Variants in SUGCT observed in about 807,000 individuals in gnomAD.
The protein encoded by SUGCT is succinyl-CoA:glutarate-CoA transferase, also known as succinyl-CoA:glutarate CoA-transferase.
A neutral mutation model predicts 55.0 loss-of-function variants in SUGCT; 41 were observed. That is an observed-to-expected ratio of 0.74 (90% confidence interval 0.58 to 0.97). The LOEUF is 0.97. SUGCT is among the 50% of genes least tolerant of loss of function. The pLI is 0.00. For missense variants in SUGCT, 568 were observed against 547.8 expected (o/e 1.04, Z -0.37); for synonymous variants, 187 against 200.4 (o/e 0.93, Z 0.56).
intron 12 of SUGCT, among the ~76,000 whole-genome samples, chr7:40,650,875 C>T (rs1005554824): frequency 1.3e-5 from 2 of 152,146 alleles, no homozygotes; most frequent in African/African-American, 4.8e-5. Context: ...TCCTCCCACC[C>T]TAACCCTCAA....
intron 13 of SUGCT, among the ~76,000 whole-genome samples, chr7:40,817,579 T>C (rs1443419289): frequency 6.6e-6 from 1 of 152,174 alleles, no homozygotes; most frequent in Non-Finnish European, 1.5e-5. Context: ...ATAATTTTTG[T>C]CTTAACCATG....
intron 12 of SUGCT, among the ~76,000 whole-genome samples, chr7:40,737,973 G>A (rs576034899): frequency 2.0e-4 from 30 of 151,436 alleles, no homozygotes; most frequent in South Asian, 2.1e-4. Context: ...GCCTATAATC[G>A]CGCAGATCAC....
rs1424701782 is a variant in SUGCT, at chr7:40,631,064, A to G, written c.1090-118370A>G. 5.9e-5 allele frequency among the ~76,000 whole-genome samples: 9 copies of G among 152,272 alleles called. No homozygotes were observed. In the East Asian group the frequency reaches 1.4e-3, roughly 23 times the overall value. On this transcript the variant is annotated intron_variant, in intron 12 of 13. Transcript: ENST00000335693. ...CAAATCTTTCTGACTGTAAAGTCCA[A>G]AGTTATTTTATTTCATCCTACTGCT...
intron 3 of SUGCT, among the ~76,000 whole-genome samples, chr7:40,183,248 G>A (rs940988766): frequency 3.3e-5 from 5 of 152,212 alleles, no homozygotes; most frequent in Non-Finnish European, 5.9e-5. Flanking sequence ...ACTCCAGCCT[G>A]GGTGACAGAG....
At chr7:40,452,467 G>C (rs1036284846) in intron 10 of SUGCT, among the ~76,000 whole-genome samples, 1 of 152,052 alleles carries the variant, frequency 6.6e-6, no homozygotes, top group Non-Finnish European at 1.5e-5. Context: ...AGTATGTCTG[G>C]GGTGAGGTAG....
At chr7:40,353,823 C>G (rs1797758524) in intron 9 of SUGCT, among the ~76,000 whole-genome samples, 1 of 152,058 alleles carries the variant, frequency 6.6e-6, no homozygotes, top group Non-Finnish European at 1.5e-5. Flanking sequence ...TTCCACTTGT[C>G]ACTTACTTCT....
rs186185894 is a variant in SUGCT at position 40,400,902 on chromosome 7, C to T, written c.817-48385C>T. On this transcript the variant is annotated intron_variant, in intron 9 of 13. Coordinates refer to ENST00000335693, the MANE Select transcript of SUGCT (RefSeq NM_001193313.2). ...GTAGGTGGGGAAAAGATTTTTGCAC[C>T]CTTACTTGAATGGTTTTGAACAAGG... Among the ~76,000 whole-genome samples, 10 of 152,098 alleles carry T rather than the reference C, an allele frequency of 6.6e-5. No homozygotes were observed. In the East Asian group the frequency reaches 1.5e-3, roughly 24 times the overall value.
intron 9 of SUGCT, among the ~76,000 whole-genome samples, chr7:40,338,772 TTTG>T (rs1796868351): frequency 1.3e-5 from 2 of 152,380 alleles, no homozygotes; most frequent in South Asian, 4.1e-4. Flanking sequence ...TCCATTCAGC[TTTG>T]TTCCATTGCT....
chr7:40,157,396 A>C (rs1413307101), intron 1 of SUGCT, among the ~76,000 whole-genome samples: 1 of 152,196 alleles, frequency 6.6e-6, no homozygotes, highest in Non-Finnish European at 1.5e-5. Flanking sequence ...ACCCTTACCT[A>C]TCAATGGGTT....
the SUGCT span, among the ~76,000 whole-genome samples, chr7:40,938,396 G>A: frequency 6.7e-6 from 1 of 149,942 alleles, no homozygotes; most frequent in Non-Finnish European, 1.5e-5. Context: ...TTTTTGAGTT[G>A]TTGTCTCAGT....
At chr7:40,753,369 T>C (rs1031244498) in intron 13 of SUGCT, among the ~76,000 whole-genome samples, 1 of 152,170 alleles carries the variant, frequency 6.6e-6, no homozygotes, top group African/African-American at 2.4e-5. Flanking sequence ...CAGTTAAAGG[T>C]GACTTTTGCT....
chr7:40,219,373 A>T (rs1787894106), intron 6 of SUGCT, among the ~76,000 whole-genome samples: 1 of 152,240 alleles, frequency 6.6e-6, no homozygotes, highest in African/African-American at 2.4e-5. Context: ...TAAGTAGAAT[A>T]AAGGGAGTGA....
intron 9 of SUGCT, among the ~76,000 whole-genome samples, chr7:40,320,159 T>C (rs1285095809): frequency 6.6e-6 from 1 of 151,504 alleles, no homozygotes; most frequent in Non-Finnish European, 1.5e-5. Flanking sequence ...CAGGCTGGAG[T>C]GCAGTGGCGT....
chr7:40,212,439 G>A (rs75330517), intron 6 of SUGCT, among the ~76,000 whole-genome samples: 5,787 of 149,814 alleles, frequency 0.039, 352 homozygotes, highest in African/African-American at 0.13. Flanking sequence ...CCAAAAAAAA[G>A]ATATATGCCC....
chr7:40,773,264 G>T (rs1173020349), intron 13 of SUGCT, among the ~76,000 whole-genome samples: 1 of 151,952 alleles, frequency 6.6e-6, no homozygotes, highest in Non-Finnish European at 1.5e-5. Flanking sequence ...AAGTAGCTGG[G>T]ATTACAGGCA....
At chr7:40,162,544 A>G (rs970181781) in intron 1 of SUGCT, among the ~76,000 whole-genome samples, 2 of 152,180 alleles carry the variant, frequency 1.3e-5, no homozygotes, top group Non-Finnish European at 2.9e-5. Flanking sequence ...TGATGCCATC[A>G]TAGCTCATTG....
intron 6 of SUGCT, among the ~76,000 whole-genome samples, chr7:40,220,251 C>T (rs947382666): frequency 6.6e-6 from 1 of 152,168 alleles, no homozygotes; most frequent in African/African-American, 2.4e-5. Flanking sequence ...TGTCTGCTGC[C>T]ATGCTGACCC....
intron 8 of SUGCT, among the ~76,000 whole-genome samples, chr7:40,281,540 T>C (rs1386612286): frequency 2.0e-5 from 3 of 152,244 alleles, no homozygotes; most frequent in African/African-American, 7.2e-5. Flanking sequence ...TAAGTTTTTA[T>C]CATGAGAAGA....
chr7:40,992,026 G>A, the SUGCT span, among the ~76,000 whole-genome samples: 1 of 152,042 alleles, frequency 6.6e-6, no homozygotes, highest in African/African-American at 2.4e-5. Flanking sequence ...ACAGAGTAAA[G>A]TGAAAGCAAG....
Sources: gnomAD v4.1 joint callset for allele counts (sites outside exome capture counted in the v4.1 genomes callset) on GRCh38, gnomAD v4.1.1 for gene constraint, MANE v1.5 for transcripts, NCBI Gene and HGNC (gene_info 2026-07-23, HGNC 2026-07-21) for gene names.